The following ANK3 variants were observed in gnomAD, a reference collection of about 807,000 sequenced individuals.
ANK3 encodes the protein ankyrin-3.
ANK3 carries 57 observed loss-of-function variants against 370.9 expected under a neutral mutation model. That is an observed-to-expected ratio of 0.15 (90% CI 0.12 to 0.19). The LOEUF (loss-of-function observed/expected upper bound fraction) is 0.19, where lower values mean the gene tolerates loss of function less well. ANK3 is among the 10% of genes least tolerant of loss of function. ANK3 has a pLI of 1.00. For missense variants in ANK3, 4,439 were observed against 5,302.1 expected, an observed-to-expected ratio of 0.84 and a Z score of 5.06; for synonymous variants, 1,929 against 1,946.3, an observed-to-expected ratio of 0.99 and a Z score of 0.23.
rs1349272097 is a variant in ANK3, at chr10:60,592,349, A to G, written c.96+22837T>C. On this transcript the variant is annotated intron_variant, in intron 2 of 43. Transcript: ENST00000373827. ...TATAGAATGTATAGGACAATGAATT[A>G]GACAGTAAACACAAAGATTACCATC... Among the ~76,000 whole-genome samples the G allele has an allele frequency of 2.6e-5, 4 of 152,388 alleles. 1 individual carries two copies. The South Asian group carries it at 8.3e-4, about 32-fold the overall frequency.
chr10:60,221,236 C>G (rs1223092485), intron 8 of ANK3, among the ~76,000 whole-genome samples: 1 of 151,926 alleles, frequency 6.6e-6, no homozygotes, highest in East Asian at 1.9e-4. Flanking sequence ...CCTGCCACCA[C>G]GCCTGGCTAA....
intron 2 of ANK3, among the ~76,000 whole-genome samples, chr10:60,496,888 T>G (rs1415105626): frequency 6.6e-6 from 1 of 152,204 alleles, no homozygotes; most frequent in Non-Finnish European, 1.5e-5. Context: ...CATCTTTGTA[T>G]CTTTACTATT....
At chr10:60,557,589 T>C (rs192006482) in intron 2 of ANK3, among the ~76,000 whole-genome samples, 4 of 152,288 alleles carry the variant, frequency 2.6e-5, no homozygotes, top group Non-Finnish European at 5.9e-5. Flanking sequence ...ATATAGTTAA[T>C]GCCACTAAAC....
At chr10:60,473,055 G>C (rs2065256489) in intron 2 of ANK3, among the ~76,000 whole-genome samples, 1 of 152,058 alleles carries the variant, frequency 6.6e-6, no homozygotes, top group Non-Finnish European at 1.5e-5. Context: ...AGTATTTTGA[G>C]CACAACTGAA....
intron 1 of ANK3, among the ~76,000 whole-genome samples, chr10:60,693,086 C>G (rs1388318415): frequency 6.6e-6 from 1 of 152,204 alleles, no homozygotes; most frequent in Admixed American, 6.5e-5. Context: ...CATTGCCTCA[C>G]TCGGGAAGCG....
At chr10:60,524,719 C>T (rs1292513273) in intron 2 of ANK3, among the ~76,000 whole-genome samples, 1 of 152,068 alleles carries the variant, frequency 6.6e-6, no homozygotes, top group Non-Finnish European at 1.5e-5. Context: ...ACAAAAGCTG[C>T]TGACTAAAAC....
At chr10:60,451,270 A>G (rs1386669396) in intron 2 of ANK3, among the ~76,000 whole-genome samples, 1 of 152,186 alleles carries the variant, frequency 6.6e-6, no homozygotes, top group Non-Finnish European at 1.5e-5. Flanking sequence ...GCCTGTAAGA[A>G]CACATTTCTG....
intron 23 of ANK3, among the ~76,000 whole-genome samples, chr10:60,164,874 A>G (rs902749396): frequency 9.2e-5 from 14 of 152,226 alleles, no homozygotes; most frequent in African/African-American, 2.7e-4. Flanking sequence ...TTTGATTCCA[A>G]TAGCCCTGGA....
At chr10:60,715,382 A>G (rs2079771455) in intron 1 of ANK3, among the ~76,000 whole-genome samples, 2 of 152,116 alleles carry the variant, frequency 1.3e-5, no homozygotes, top group African/African-American at 4.8e-5. Context: ...GCATAAAGGA[A>G]CACAAGCTCT....
At chr10:60,683,442 C>T (rs1305564257) in intron 1 of ANK3, among the ~76,000 whole-genome samples, 1 of 152,126 alleles carries the variant, frequency 6.6e-6, no homozygotes, top group African/African-American at 2.4e-5. Flanking sequence ...TGACTGCAGC[C>T]ATATCACCCT....
In ANK3 at chr10:60,042,570, T is replaced by G. The variant is rs563861282; in HGVS notation, c.*19+102A>C. On this transcript the variant is annotated intron_variant, in intron 43 of 43. Transcript: ENST00000280772. ...TTTGATTTTCAAAGCTGAAATTCAG[T>G]GAAAAGGAAAGGACGGGGAAAATCA... 130 of 1,171,230 alleles carry G rather than the reference T, an allele frequency of 1.1e-4. No individual in the cohort carries two copies. In the African/African-American group the frequency reaches 1.8e-3, roughly 16 times the overall value. The allele number at this position is 1,171,230 out of a possible 1,614,324, so 72.6% of individuals were successfully genotyped here. A position where few individuals can be genotyped will look rare whatever the true frequency, so the allele number is the denominator to read the frequency against.
intron 2 of ANK3, among the ~76,000 whole-genome samples, chr10:60,502,049 A>G (rs1425083709): frequency 6.6e-6 from 1 of 151,932 alleles, no homozygotes; most frequent in Non-Finnish European, 1.5e-5. Flanking sequence ...GGATACCCCA[A>G]ATGACTACAG....
At chr10:60,538,811 T>C (rs1480145698) in intron 2 of ANK3, among the ~76,000 whole-genome samples, 2 of 151,924 alleles carry the variant, frequency 1.3e-5, no homozygotes, top group African/African-American at 4.8e-5. Flanking sequence ...TCCATTTTAA[T>C]AACTTTTACA....
At chr10:60,597,593 G>A (rs1445312528) in intron 2 of ANK3, among the ~76,000 whole-genome samples, 1 of 152,054 alleles carries the variant, frequency 6.6e-6, no homozygotes, top group Non-Finnish European at 1.5e-5. Flanking sequence ...AAGGCTTCTT[G>A]TCATCTCCCT....
chr10:60,666,482 GAA>G (rs1193484811), intron 1 of ANK3, among the ~76,000 whole-genome samples: 4 of 152,150 alleles, frequency 2.6e-5, no homozygotes, highest in East Asian at 3.9e-4. Context: ...TTTGCAACAT[GAA>G]AAGAGTTCTG....
chr10:60,213,376 T>TA lies in ANK3; in HGVS notation c.996+35dup. Reference sequence around the variant, plus strand: ...TAGATCATATAACCATCAAAATAAATACAGTCCAATGTCCAGAAACCTGAA... The same window carrying TA: ...TAGATCATATAACCATCAAAATAAATAACAGTCCAATGTCCAGAAACCTGAA... On this transcript the variant is annotated intron_variant, in intron 9 of 43. Transcript: ENST00000280772. The TA allele has an allele frequency of 3.5e-6, 5 of 1,426,170 alleles. No individual in the cohort carries two copies. In the South Asian group the frequency reaches 5.8e-5, roughly 17 times the overall value. The allele number at this position is 1,426,170 out of a possible 1,614,324, so 88.3% of individuals were successfully genotyped here. A position where few individuals can be genotyped will look rare whatever the true frequency, so the allele number is the denominator to read the frequency against.
intron 7 of ANK3, among the ~76,000 whole-genome samples, chr10:60,239,030 A>C (rs986048372): frequency 5.3e-5 from 8 of 152,130 alleles, no homozygotes; most frequent in Non-Finnish European, 8.8e-5. Context: ...TCCTCAATAG[A>C]CTTCACACAG....
At position 60,596,536 on chromosome 10, in the gene ANK3, A is replaced by C. The variant is rs114510872; in HGVS notation, c.96+18650T>G. Among the ~76,000 whole-genome samples, 188 of 152,280 alleles carry C rather than the reference A, an allele frequency of 1.2e-3. 1 individual carries two copies. The highest frequency in any genetic ancestry group is 4.4e-3 in the African/African-American group (181 of 41,572). On this transcript the variant is annotated intron_variant, in intron 2 of 43. Transcript: ENST00000373827. ...AAATAATTTTCCAGATTGCCTATCC[A>C]CTAAACCTGATAGGATTTTAGAATA...
chr10:60,053,635 G>T (rs1392274474), intron 42 of ANK3: 1 of 1,291,196 alleles, frequency 7.7e-7, no homozygotes, highest in African/African-American at 1.5e-5. Context: ...TCTTTGCCAT[G>T]GGTTGCTGCA....
Sources: gnomAD v4.1 joint callset for allele counts (sites outside exome capture counted in the v4.1 genomes callset) on GRCh38, gnomAD v4.1.1 for gene constraint, MANE v1.5 for transcripts, NCBI Gene and HGNC (gene_info 2026-07-23, HGNC 2026-07-21) for gene names.